Variants in SLC14A2 observed in about 807,000 individuals in gnomAD.
SLC14A2 encodes solute carrier family 14 member 2, also known as urea transporter 2.
A neutral mutation model predicts 104.6 loss-of-function variants in SLC14A2; 91 were observed. That is an observed-to-expected ratio of 0.87 (90% CI 0.73 to 1.04). The LOEUF (loss-of-function observed/expected upper bound fraction) is 1.04. SLC14A2 is among the 50% of genes least tolerant of loss of function. The pLI is 0.00. For synonymous variants in SLC14A2, 476 were observed against 466.4 expected, an observed-to-expected ratio of 1.02 and a Z score of -0.27; for missense variants, 1,189 against 1,156.0, an observed-to-expected ratio of 1.03 and a Z score of -0.41.
At position 45,682,674 on chromosome 18, in the gene SLC14A2, C is replaced by T. The variant is rs1345914081; in HGVS notation, c.*155C>T. ...GTATGTAGTCACCATTCCAGAACCTCTCTTTTCTAAGATGCACAACACTTA... is the reference window on the plus strand; with the variant it reads ...GTATGTAGTCACCATTCCAGAACCTTTCTTTTCTAAGATGCACAACACTTA... On this transcript the variant is annotated 3_prime_UTR_variant, in exon 20 of 20. Coordinates refer to ENST00000255226, the MANE Select transcript of SLC14A2 (RefSeq NM_007163.4). 1.5e-6 allele frequency: 1 copy of T among 647,644 alleles called. No homozygotes were observed. The highest frequency in any genetic ancestry group is 1.8e-5 in the African/African-American group (1 of 54,964). 40.1% of individuals were successfully genotyped at this position (647,644 alleles called of 1,614,324 possible).
At chr18:45,403,165 C>T (rs1383816650) in intron 1 of SLC14A2, among the ~76,000 whole-genome samples, 1 of 152,170 alleles carries the variant, frequency 6.6e-6, no homozygotes, top group South Asian at 2.1e-4. Context: ...CTCACCATGT[C>T]CTCGTATGTT....
the SLC14A2 span, among the ~76,000 whole-genome samples, chr18:45,179,051 A>T: frequency 6.6e-6 from 1 of 152,188 alleles, no homozygotes; most frequent in Non-Finnish European, 1.5e-5. Context: ...ACAGTCTTTA[A>T]TCCCCAAGTC....
At chr18:45,183,292 G>A in the SLC14A2 span, among the ~76,000 whole-genome samples, 4 of 152,276 alleles carry the variant, frequency 2.6e-5, no homozygotes, top group East Asian at 7.7e-4. Flanking sequence ...ACCTCTTGGG[G>A]TAGGCCGCTC....
chr18:45,378,060 C>A (rs2085794316), intron 1 of SLC14A2, among the ~76,000 whole-genome samples: 1 of 152,210 alleles, frequency 6.6e-6, no homozygotes, highest in Admixed American at 6.5e-5. Flanking sequence ...TTCTCGAACC[C>A]AGAAACCAGT....
At chr18:45,486,405 C>G (rs182059805) in intron 2 of SLC14A2, among the ~76,000 whole-genome samples, 2 of 151,880 alleles carry the variant, frequency 1.3e-5, no homozygotes, top group East Asian at 3.9e-4. Context: ...TTCCTAGAGG[C>G]TGAGTTAACT....
intron 2 of SLC14A2, among the ~76,000 whole-genome samples, chr18:45,577,612 A>C (rs1376584193): frequency 6.6e-6 from 1 of 152,104 alleles, no homozygotes; most frequent in African/African-American, 2.4e-5. Context: ...ATCTGTTAGC[A>C]CCCCATTTCC....
chr18:45,508,902 A>G (rs760127009), intron 2 of SLC14A2, among the ~76,000 whole-genome samples: 3 of 152,266 alleles, frequency 2.0e-5, no homozygotes, highest in Non-Finnish European at 2.9e-5. Flanking sequence ...ATTACAAATT[A>G]TCAAGATATT....
At chr18:45,320,115 C>A (rs1289705545) in intron 1 of SLC14A2, among the ~76,000 whole-genome samples, 1 of 152,076 alleles carries the variant, frequency 6.6e-6, no homozygotes, top group Non-Finnish European at 1.5e-5. Context: ...ATAATTGTTG[C>A]AAAAATTAAA....
chr18:45,575,016 C>T (rs1687100858), intron 2 of SLC14A2, among the ~76,000 whole-genome samples: 1 of 152,192 alleles, frequency 6.6e-6, no homozygotes, highest in African/African-American at 2.4e-5. Context: ...TCCACACCGA[C>T]CATGGAAGTG....
intron 1 of SLC14A2, among the ~76,000 whole-genome samples, chr18:45,349,014 G>A (rs770483775): frequency 3.9e-5 from 6 of 152,198 alleles, no homozygotes; most frequent in East Asian, 3.9e-4. Context: ...TGATAAACCC[G>A]TTGTTGACTC....
At chr18:45,224,137 A>G (rs575021212) in intron 1 of SLC14A2, among the ~76,000 whole-genome samples, 2 of 152,332 alleles carry the variant, frequency 1.3e-5, no homozygotes, top group East Asian at 3.9e-4. Context: ...TATTTTTCCC[A>G]TTCTTGAAGT....
At chr18:45,253,360 G>C (rs1356403416) in intron 1 of SLC14A2, among the ~76,000 whole-genome samples, 2 of 152,136 alleles carry the variant, frequency 1.3e-5, no homozygotes, top group Non-Finnish European at 2.9e-5. Flanking sequence ...ACGGAATGCA[G>C]ACCAAGAAGC....
intron 1 of SLC14A2, among the ~76,000 whole-genome samples, chr18:45,417,691 A>C (rs923067504): frequency 6.6e-6 from 1 of 152,338 alleles, no homozygotes; most frequent in East Asian, 1.9e-4. Flanking sequence ...GGGTGGGGAC[A>C]CAGCCAAACC....
intron 1 of SLC14A2, among the ~76,000 whole-genome samples, chr18:45,414,224 G>A (rs1031748511): frequency 1.3e-5 from 2 of 152,212 alleles, no homozygotes; most frequent in East Asian, 1.9e-4. Flanking sequence ...GCCACTCCAG[G>A]CATGGATGTC....
intron 1 of SLC14A2, among the ~76,000 whole-genome samples, chr18:45,312,695 G>A (rs554265325): frequency 3.3e-5 from 5 of 152,322 alleles, no homozygotes; most frequent in African/African-American, 4.8e-5. Context: ...CTAATTGCTC[G>A]TCTGGTTAGT....
the SLC14A2 span, among the ~76,000 whole-genome samples, chr18:45,183,283 C>T: frequency 6.6e-6 from 1 of 152,154 alleles, no homozygotes; most frequent in Admixed American, 6.5e-5. Context: ...GCTGATAACA[C>T]CTCTTGGGGT....
At chr18:45,279,509 A>C (rs896446381) in intron 1 of SLC14A2, among the ~76,000 whole-genome samples, 2 of 152,088 alleles carry the variant, frequency 1.3e-5, no homozygotes. Flanking sequence ...TGTGGTTTCC[A>C]TGTGATCATC....
chr18:45,645,622 T>TATACATATATAC (rs370081713), intron 10 of SLC14A2, among the ~76,000 whole-genome samples: 3 of 134,862 alleles, frequency 2.2e-5, no homozygotes, highest in Non-Finnish European at 4.8e-5. Context: ...AATATATATA[T>TATACATATATAC]ACATATACAA....
intron 1 of SLC14A2, among the ~76,000 whole-genome samples, chr18:45,332,464 T>C (rs1480163146): frequency 6.6e-6 from 1 of 152,166 alleles, no homozygotes; most frequent in Non-Finnish European, 1.5e-5. Flanking sequence ...TGAGTATCCA[T>C]GGATTTTGGT....
Sources: gnomAD v4.1 joint callset for allele counts (sites outside exome capture counted in the v4.1 genomes callset) on GRCh38, gnomAD v4.1.1 for gene constraint, MANE v1.5 for transcripts, NCBI Gene and HGNC (gene_info 2026-07-23, HGNC 2026-07-21) for gene names.